Variants in COX7B2 observed in about 807,000 individuals in gnomAD.
COX7B2 encodes cytochrome c oxidase subunit 7B2, also known as cytochrome c oxidase subunit 7B2, mitochondrial.
For synonymous variants in COX7B2, 37 were observed against 32.1 expected (o/e 1.15, Z -0.51); for missense variants, 109 against 95.9 (o/e 1.14, Z -0.57).
chr4:46,794,313 G>A (rs1718208729), intron 2 of COX7B2, among the ~76,000 whole-genome samples: 1 of 152,184 alleles, frequency 6.6e-6, no homozygotes. Context: ...AGTTCAGGGA[G>A]TTAGGAAGGA....
intron 1 of COX7B2, among the ~76,000 whole-genome samples, chr4:46,845,576 C>T (rs548143712): frequency 9.0e-4 from 137 of 152,060 alleles, no homozygotes; most frequent in African/African-American, 2.9e-3. Context: ...CATTTATTTA[C>T]TACTTTAGAG....
intron 1 of COX7B2, among the ~76,000 whole-genome samples, chr4:46,877,483 A>G (rs759692172): frequency 2.0e-5 from 3 of 152,222 alleles, no homozygotes; most frequent in Non-Finnish European, 4.4e-5. Flanking sequence ...TTACACAGAT[A>G]TAGATCCTGG....
At chr4:46,842,660 T>C (rs923348591) in intron 2 of COX7B2, among the ~76,000 whole-genome samples, 4 of 152,038 alleles carry the variant, frequency 2.6e-5, no homozygotes, top group African/African-American at 9.7e-5. Flanking sequence ...TGTTTGGTTT[T>C]TTGTCCTTGC....
At position 46,765,154 on chromosome 4, in the gene COX7B2, GA is replaced by G. The variant is rs1276708461; in HGVS notation, c.-49-29914del. On this transcript the variant is annotated intron_variant, in intron 2 of 2. Coordinates refer to ENST00000355591, the MANE Select transcript of COX7B2 (RefSeq NM_130902.3). ...TCAATTTGAACAATCATCCATGCAT[GA>G]AAAAAAACATTCTCAAGAGCTAAGA... Among the ~76,000 whole-genome samples the G allele has an allele frequency of 9.9e-5, 15 of 151,800 alleles. No homozygotes were observed. The East Asian group carries it at 2.7e-3, about 28-fold the overall frequency.
At chr4:46,888,009 T>C (rs2109863411) in intron 1 of COX7B2, among the ~76,000 whole-genome samples, 1 of 152,306 alleles carries the variant, frequency 6.6e-6, no homozygotes, top group African/African-American at 2.4e-5. Context: ...AAAGACCTGC[T>C]TGCTGTGCTG....
At chr4:46,855,055 CGGT>C (rs1716923688) in intron 1 of COX7B2, among the ~76,000 whole-genome samples, 1 of 151,994 alleles carries the variant, frequency 6.6e-6, no homozygotes, top group Non-Finnish European at 1.5e-5. Context: ...AGGCCAGGTG[CGGT>C]GCCTCACGTC....
At chr4:46,736,112 C>T (rs1714347346) in intron 2 of COX7B2, among the ~76,000 whole-genome samples, 2 of 152,126 alleles carry the variant, frequency 1.3e-5, no homozygotes, top group Non-Finnish European at 2.9e-5. Context: ...GACATGTATC[C>T]ATCATTTTAG....
intron 1 of COX7B2, among the ~76,000 whole-genome samples, chr4:46,904,383 C>A (rs372035846): frequency 6.6e-6 from 1 of 151,202 alleles, no homozygotes; most frequent in Non-Finnish European, 1.5e-5. Context: ...TAAAAATGGT[C>A]AAAAAAAATG....
At chr4:46,739,106 C>T (rs1577643605) in intron 2 of COX7B2, among the ~76,000 whole-genome samples, 1 of 152,044 alleles carries the variant, frequency 6.6e-6, no homozygotes, top group African/African-American at 2.4e-5. Flanking sequence ...AGGAAACTAA[C>T]ATTTATTGAG....
chr4:46,795,553 A>G (rs1454840649), intron 2 of COX7B2, among the ~76,000 whole-genome samples: 2 of 142,510 alleles, frequency 1.4e-5, no homozygotes, highest in Admixed American at 7.0e-5. Context: ...TGTTCCATTG[A>G]TCTATATCTC....
At chr4:46,829,052 C>G (rs1714894664) in intron 2 of COX7B2, among the ~76,000 whole-genome samples, 1 of 152,138 alleles carries the variant, frequency 6.6e-6, no homozygotes, top group South Asian at 2.1e-4. Flanking sequence ...CAGCAGTATT[C>G]TAAGCACGTG....
intron 2 of COX7B2, among the ~76,000 whole-genome samples, chr4:46,811,817 C>G (rs1391575330): frequency 6.6e-6 from 1 of 152,186 alleles, no homozygotes; most frequent in Non-Finnish European, 1.5e-5. Flanking sequence ...ACAGGTTGAA[C>G]ACGGTGCAAG....
chr4:46,806,278 A>G (rs1466167051), intron 2 of COX7B2, among the ~76,000 whole-genome samples: 1 of 152,026 alleles, frequency 6.6e-6, no homozygotes, highest in Non-Finnish European at 1.5e-5. Flanking sequence ...AAGTAAAATG[A>G]CAATAGGCAT....
chr4:46,803,478 CAA>C (rs199738203), intron 2 of COX7B2, among the ~76,000 whole-genome samples: 1,675 of 152,184 alleles, frequency 0.011, 20 homozygotes, highest in Middle Eastern at 0.041. Context: ...CCCACTTCAT[CAA>C]ATATTTCATT....
At chr4:46,811,115 T>C (rs1473738001) in intron 2 of COX7B2, among the ~76,000 whole-genome samples, 2 of 152,198 alleles carry the variant, frequency 1.3e-5, no homozygotes, top group Non-Finnish European at 2.9e-5. Flanking sequence ...TTGGTTTTAA[T>C]GTGCCTCAGA....
intron 2 of COX7B2, among the ~76,000 whole-genome samples, chr4:46,825,128 A>C (rs1453733321): frequency 6.6e-6 from 1 of 152,106 alleles, no homozygotes; most frequent in African/African-American, 2.4e-5. Context: ...TAGATCTAAA[A>C]ACCCCCCAGT....
At chr4:46,863,053 G>T (rs1308991652) in intron 1 of COX7B2, among the ~76,000 whole-genome samples, 1 of 151,952 alleles carries the variant, frequency 6.6e-6, no homozygotes, top group African/African-American at 2.4e-5. Flanking sequence ...TTCTTGCTTC[G>T]TAGGTTTATA....
chr4:46,777,409 G>A (rs891962131), intron 2 of COX7B2, among the ~76,000 whole-genome samples: 10 of 152,006 alleles, frequency 6.6e-5, no homozygotes, highest in African/African-American at 1.9e-4. Flanking sequence ...AGATGAAGGC[G>A]GTGGTGGTGA....
intron 2 of COX7B2, among the ~76,000 whole-genome samples, chr4:46,777,487 T>C (rs970229469): frequency 6.6e-6 from 1 of 151,768 alleles, no homozygotes; most frequent in African/African-American, 2.4e-5. Context: ...AATTATCCAG[T>C]GGAGAGAGAG....
Sources: allele counts gnomAD v4.1 joint callset (sites outside exome capture counted in the v4.1 genomes callset), GRCh38; gene constraint gnomAD v4.1.1; transcripts MANE v1.5; gene names NCBI Gene and HGNC (gene_info 2026-07-23, HGNC 2026-07-21).